Variants in RSF1 observed in about 807,000 individuals in gnomAD.
RSF1 encodes remodeling and spacing factor 1, also known as HBV pX-associated protein 8.
Under a neutral mutation model 145.2 loss-of-function variants are expected in RSF1, and 13 were observed. The ratio of observed to expected loss-of-function variants is 0.09; its 90% CI spans 0.06 to 0.14. The LOEUF (loss-of-function observed/expected upper bound fraction) is 0.14, where lower values mean the gene tolerates loss of function less well. Among genes scored for constraint, RSF1 ranks in the 10% least tolerant of loss-of-function variants. The probability of loss-of-function intolerance (pLI) is 1.00; values close to 1 mark genes in which losing one functional copy is unlikely to be tolerated. For synonymous variants in RSF1, 577 were observed against 592.6 expected (o/e 0.97, Z 0.38); for missense variants, 1,517 against 1,718.2 (o/e 0.88, Z 2.07).
chr11:77,789,898 C>A (rs1458933071), intron 1 of RSF1, among the ~76,000 whole-genome samples: 1 of 152,216 alleles, frequency 6.6e-6, no homozygotes, highest in African/African-American at 2.4e-5. Context: ...TTGGGCCTGT[C>A]TACCCGCAGC....
intron 2 of RSF1, among the ~76,000 whole-genome samples, chr11:77,748,229 CT>C (rs1351360671): frequency 8.7e-4 from 105 of 121,238 alleles, no homozygotes; most frequent in Admixed American, 1.1e-3. Flanking sequence ...TTTTTTTTTT[CT>C]TTTTTTTTTT....
intron 5 of RSF1, among the ~76,000 whole-genome samples, chr11:77,724,319 C>A (rs1026516850): frequency 6.6e-6 from 1 of 152,082 alleles, no homozygotes; most frequent in Non-Finnish European, 1.5e-5. Context: ...ACAGTATGTG[C>A]TTCCTCAAAA....
intron 10 of RSF1, among the ~76,000 whole-genome samples, chr11:77,684,869 C>T (rs1959961873): frequency 6.6e-6 from 1 of 152,040 alleles, no homozygotes; most frequent in African/African-American, 2.4e-5. Flanking sequence ...CACCTGTAAT[C>T]CCAGCTACTC....
intron 5 of RSF1, among the ~76,000 whole-genome samples, chr11:77,718,955 A>G (rs1960880670): frequency 6.6e-6 from 1 of 152,238 alleles, no homozygotes. Context: ...TCTACCTACT[A>G]TAACTATACT....
At chr11:77,680,826 G>GCAC (rs1959839916) in intron 11 of RSF1, among the ~76,000 whole-genome samples, 1 of 152,302 alleles carries the variant, frequency 6.6e-6, no homozygotes, top group South Asian at 2.1e-4. Flanking sequence ...GTAAAACTCA[G>GCAC]CACATCCATT....
In RSF1 at chr11:77,672,015, TCTATATATAGGAGAC is replaced by T. The variant is rs755757226; in HGVS notation, c.3751+12_3751+26del. On this transcript the variant is annotated intron_variant, in intron 15 of 15. Transcript: ENST00000308488. The stretch of plus-strand genomic sequence containing the variant: ...ATGTCTATTTTGCCCTGTCCAAACT[TCTATATATAGGAGAC>T]CTATGCCTTACCTTCACTCTCTGAG... The T allele has an allele frequency of 5.1e-6, 8 of 1,577,430 alleles. No individual in the cohort carries two copies. The highest frequency in any genetic ancestry group is 6.9e-6 in the Non-Finnish European group (8 of 1,164,520).
intron 5 of RSF1, among the ~76,000 whole-genome samples, chr11:77,707,203 T>G (rs1027183788): frequency 2.6e-5 from 4 of 152,212 alleles, no homozygotes; most frequent in African/African-American, 9.7e-5. Flanking sequence ...CATGGATTAT[T>G]CACCTGCAGT....
At chr11:77,869,683 G>C in the RSF1 span, 1 of 1,571,942 alleles carries the variant, frequency 6.4e-7, no homozygotes, top group South Asian at 1.1e-5. Flanking sequence ...ATGAAAGATT[G>C]AGAGCAGGTA....
chr11:77,808,786 G>A (rs1257800800), intron 1 of RSF1, among the ~76,000 whole-genome samples: 2 of 104,404 alleles, frequency 1.9e-5, no homozygotes, highest in African/African-American at 9.6e-5. Flanking sequence ...GCCCACCTCG[G>A]CCTCCCAAAG....
chr11:77,705,758 T>C (rs1016904313), intron 5 of RSF1, among the ~76,000 whole-genome samples: 4 of 151,982 alleles, frequency 2.6e-5, no homozygotes, highest in East Asian at 1.9e-4. Context: ...TGGTCCCAGC[T>C]ACGTGGGAGG....
chr11:77,791,802 T>C (rs1948520112), intron 1 of RSF1, among the ~76,000 whole-genome samples: 1 of 152,206 alleles, frequency 6.6e-6, no homozygotes. Flanking sequence ...GATCTTATTG[T>C]CCATATCGCT....
At chr11:77,697,195 G>C (rs1182684097) in intron 7 of RSF1, among the ~76,000 whole-genome samples, 1 of 151,814 alleles carries the variant, frequency 6.6e-6, no homozygotes, top group Non-Finnish European at 1.5e-5. Flanking sequence ...ACATCATAAT[G>C]CTTTGCAGGA....
At chr11:77,740,996 A>T in intron 3 of RSF1, 60 bp from the exon 4 acceptor site, 1 of 1,226,422 alleles carries the variant, frequency 8.2e-7, no homozygotes, top group East Asian at 2.4e-5. Flanking sequence ...ATCACAGTAA[A>T]TATGATACAA....
chr11:77,775,928 A>G (rs1272957353), intron 1 of RSF1, among the ~76,000 whole-genome samples: 1 of 152,208 alleles, frequency 6.6e-6, no homozygotes, highest in Admixed American at 6.5e-5. Flanking sequence ...ATGTCCCACC[A>G]TGCTTGACTA....
At chr11:77,779,257 G>C (rs1404537726) in intron 1 of RSF1, among the ~76,000 whole-genome samples, 1 of 152,128 alleles carries the variant, frequency 6.6e-6, no homozygotes, top group Non-Finnish European at 1.5e-5. Context: ...ACTCAGGCTG[G>C]AGTGAAGTGG....
chr11:77,778,508 T>C (rs745388164), intron 1 of RSF1, among the ~76,000 whole-genome samples: 6 of 152,150 alleles, frequency 3.9e-5, no homozygotes, highest in Non-Finnish European at 4.4e-5. Flanking sequence ...GTTAAGAGCA[T>C]GATAAAGTCC....
intron 1 of RSF1, among the ~76,000 whole-genome samples, chr11:77,780,661 C>T (rs1565178460): frequency 6.6e-6 from 1 of 151,978 alleles, no homozygotes; most frequent in Non-Finnish European, 1.5e-5. Flanking sequence ...CCTGTCTCTA[C>T]TAAAAATACA....
chr11:77,785,872 GCCGAGATCGCGCCA>G (rs1948449835), intron 1 of RSF1, among the ~76,000 whole-genome samples: 1 of 130,154 alleles, frequency 7.7e-6, no homozygotes, highest in South Asian at 2.6e-4. Context: ...CTTGCAGCGA[GCCGAGATCGCGCCA>G]CTGCACTCCA....
At chr11:77,807,413 C>G (rs1244372735) in intron 1 of RSF1, among the ~76,000 whole-genome samples, 1 of 152,128 alleles carries the variant, frequency 6.6e-6, no homozygotes, top group Non-Finnish European at 1.5e-5. Flanking sequence ...GCCTGCATAA[C>G]TATATTCATG....
Sources: gnomAD v4.1 joint callset for allele counts (sites outside exome capture counted in the v4.1 genomes callset) on GRCh38, gnomAD v4.1.1 for gene constraint, MANE v1.5 for transcripts, NCBI Gene and HGNC (gene_info 2026-07-23, HGNC 2026-07-21) for gene names.